EGLN1: variants seen among roughly 807,000 people sequenced by gnomAD.
EGLN1 encodes egl nine homolog 1.
In EGLN1, 17 loss-of-function variants were observed where a neutral mutation model predicts 38.3. The observed-to-expected ratio is 0.44, with a 90% CI of 0.30 to 0.67. EGLN1 has a LOEUF of 0.67. Ranked by LOEUF, EGLN1 falls within the 30% of genes least tolerant of loss-of-function variation. EGLN1 has a pLI of 0.08. For synonymous variants in EGLN1, 283 were observed against 257.5 expected (o/e 1.10, Z -0.95); for missense variants, 477 against 603.3 (o/e 0.79, Z 2.19).
chr1:231,409,908 G>A (rs1310251287), intron 1 of EGLN1, among the ~76,000 whole-genome samples: 2 of 152,052 alleles, frequency 1.3e-5, no homozygotes, highest in African/African-American at 4.8e-5. Context: ...AAATCAGAGA[G>A]CAATTAAGTA....
chr1:231,421,104 T>C lies in EGLN1; in HGVS notation c.785A>G (p.Lys262Arg), dbSNP rs1656575784. The C allele has an allele frequency of 3.1e-6, 5 of 1,614,160 alleles. No homozygotes were observed. The highest frequency in any genetic ancestry group is 4.2e-6 in the Non-Finnish European group (5 of 1,180,016). Residue 262 changes from lysine (K) to arginine (R), a missense_variant, in exon 1 of 5, where the codon AAG (lysine) becomes AGG (arginine). By Grantham distance (26) the Lys-to-Arg change is conservative. Transcript: ENST00000366641. The surrounding 1 kb of genome is among the most constrained non-coding windows in gnomAD (Gnocchi z 5.5). ...RGDKITWIEG[K>R]EPGCETIGLL... ...CCCAATGGTTTCGCAGCCGGGCTCC[T>C]TGCCCTCGATCCAGGTGATCTTATC...
chr1:231,370,538 A>AT (rs764265786), intron 3 of EGLN1, 24 bp downstream of exon 3: 4 of 1,612,590 alleles, frequency 2.5e-6, no homozygotes, highest in Non-Finnish European at 3.4e-6. Flanking sequence ...CTCTAAACCA[A>AT]TTTTTTCTGA....
At position 231,365,392 on chromosome 1, in the gene EGLN1, T is replaced by C. The variant is rs1393964699; in HGVS notation, c.*1019A>G. 6.6e-6 allele frequency: 1 copy of C among 152,160 alleles called. No individual in the cohort carries two copies. Among genetic ancestry groups the C allele is most frequent in the Non-Finnish European group, 1.5e-5 (1 of 68,016 alleles). The allele number at this position is 152,160 out of a possible 1,614,324, so 9.4% of individuals were successfully genotyped here. On this transcript the variant is annotated 3_prime_UTR_variant, in exon 5 of 5. Transcript: ENST00000366641. Reference sequence around the variant, plus strand: ...CTTGAAGCTGAGGATAATCTCAAGTTCACTTAGTGCCAGTCACTTTAGTTT... The same window carrying C: ...CTTGAAGCTGAGGATAATCTCAAGTCCACTTAGTGCCAGTCACTTTAGTTT...
chr1:231,389,260 A>C (rs552263462), intron 1 of EGLN1, among the ~76,000 whole-genome samples: 1 of 152,358 alleles, frequency 6.6e-6, no homozygotes, highest in Non-Finnish European at 1.5e-5. Flanking sequence ...TCTTTCACTT[A>C]ATCTTTACAA....
rs1223531246 is a variant in EGLN1 at position 231,365,192 on chromosome 1, G to C, written c.*1219C>G. The stretch of plus-strand genomic sequence containing the variant: ...CTTGATGCTCTTCAACAGAGACAAG[G>C]TTCTTGTCTGCAGATCAGATAGATC... On this transcript the variant is annotated 3_prime_UTR_variant, in exon 5 of 5. Coordinates refer to ENST00000366641, the MANE Select transcript of EGLN1 (RefSeq NM_022051.3). The C allele has an allele frequency of 1.3e-5, 2 of 152,092 alleles. No homozygotes were observed. Among genetic ancestry groups the C allele is most frequent in the Admixed American group, 1.3e-4 (2 of 15,268 alleles). The allele number at this position is 152,092 out of a possible 1,614,324, so 9.4% of individuals were successfully genotyped here.
At position 231,421,324 on chromosome 1, in the gene EGLN1, G is replaced by A; in HGVS notation, c.565C>T (p.Pro189Ser). 6.2e-7 allele frequency: 1 copy of A among 1,612,304 alleles called. No homozygotes were observed. Among genetic ancestry groups the A allele is most frequent in the Admixed American group, 1.7e-5 (1 of 59,942 alleles). Reference protein sequence around the residue: ...LRPNGQTKPLPALKLALEYIV... With the variant: ...LRPNGQTKPLSALKLALEYIV... ...TACTCGAGCGCCAGCTTCAGCGCCG[G>A]CAGGGGCTTCGTCTGCCCGTTGGGC... The change falls in exon 1 of 5, where the codon CCG (proline) becomes TCG (serine). Residue 189 changes from proline (P) to serine (S), a missense_variant. Transcript: ENST00000366641. This position sits in a 1 kb window ranked among gnomAD's most constrained non-coding sequence, Gnocchi z 5.5.
chr1:231,380,314 T>TGA (rs1688052592), intron 1 of EGLN1, among the ~76,000 whole-genome samples: 1 of 27,216 alleles, frequency 3.7e-5, no homozygotes, highest in Admixed American at 4.1e-4. Flanking sequence ...AGACTCCGTC[T>TGA]CAAAAAAAAA....
chr1:231,383,393 T>C (rs1049409531), intron 1 of EGLN1, among the ~76,000 whole-genome samples: 1 of 152,078 alleles, frequency 6.6e-6, no homozygotes, highest in Admixed American at 6.5e-5. Flanking sequence ...CAGTACAGTG[T>C]AATAAACACC....
At chr1:231,392,288 AAAAAT>A (rs770431407) in intron 1 of EGLN1, among the ~76,000 whole-genome samples, 6 of 152,310 alleles carry the variant, frequency 3.9e-5, no homozygotes, top group Non-Finnish European at 5.9e-5. Context: ...CTCTGTCTCA[AAAAAT>A]AAAATAAAAT....
chr1:231,383,603 G>T (rs1688126312), intron 1 of EGLN1, among the ~76,000 whole-genome samples: 1 of 152,190 alleles, frequency 6.6e-6, no homozygotes, highest in Non-Finnish European at 1.5e-5. Flanking sequence ...AATCAATATG[G>T]TGCCTTGAGA....
chr1:231,399,325 G>C (rs1688607274), intron 1 of EGLN1, among the ~76,000 whole-genome samples: 1 of 152,188 alleles, frequency 6.6e-6, no homozygotes, highest in Non-Finnish European at 1.5e-5. Context: ...GTTTGGAAAG[G>C]ATTGAGGAAA....
rs373949572 is a variant in EGLN1, at chr1:231,377,613, T to A, written c.892-3514A>T. ...AAGCATCGGGTAGGAGAGGAGTTTA[T>A]CGATAACTGTCAAAATGAGCCAGAC... On this transcript the variant is annotated intron_variant, in intron 1 of 4. Transcript: ENST00000366641. 2.0e-5 allele frequency among the ~76,000 whole-genome samples: 3 copies of A among 152,326 alleles called. No homozygotes were observed. The South Asian group carries it at 6.2e-4, about 32-fold the overall frequency.
chr1:231,404,502 G>A (rs1246318837), intron 1 of EGLN1, among the ~76,000 whole-genome samples: 1 of 152,050 alleles, frequency 6.6e-6, no homozygotes. Flanking sequence ...ATAAGGCCAG[G>A]CACAGTGGCT....
chr1:231,416,429 A>C (rs1689084483), intron 1 of EGLN1, among the ~76,000 whole-genome samples: 1 of 145,802 alleles, frequency 6.9e-6, no homozygotes, highest in Non-Finnish European at 1.5e-5. Context: ...ATACATACAA[A>C]AAAAAAATTT....
chr1:231,402,790 G>A (rs1688694875), intron 1 of EGLN1, among the ~76,000 whole-genome samples: 1 of 151,282 alleles, frequency 6.6e-6, no homozygotes, highest in African/African-American at 2.4e-5. Flanking sequence ...TAAATGGTGG[G>A]ACATAAGGGT....
At chr1:231,374,228 G>A (rs1687899106) in intron 1 of EGLN1, 129 bp from the exon 2 acceptor site, 4 of 835,622 alleles carry the variant, frequency 4.8e-6, no homozygotes, top group Non-Finnish European at 5.9e-6. Context: ...ATAATATTTT[G>A]TAGATAAGAT....
intron 1 of EGLN1, among the ~76,000 whole-genome samples, chr1:231,415,427 T>TAA (rs1348233564): frequency 6.6e-6 from 1 of 151,608 alleles, no homozygotes; most frequent in East Asian, 1.9e-4. Context: ...TTTTTTCTCT[T>TAA]AAAAAAATGT....
At chr1:231,366,608 G>T in intron 4 of EGLN1, 133 bp from the exon 5 acceptor site, 1 of 911,376 alleles carries the variant, frequency 1.1e-6, no homozygotes, top group Non-Finnish European at 1.7e-6. Flanking sequence ...GAACTATCAC[G>T]CTTGTACTTC....
intron 1 of EGLN1, among the ~76,000 whole-genome samples, chr1:231,392,212 G>A (rs952943443): frequency 2.6e-5 from 4 of 152,084 alleles, no homozygotes; most frequent in Non-Finnish European, 4.4e-5. Flanking sequence ...GCGTGAACCT[G>A]GGAGGTGGAG....
Sources: gnomAD v4.1 joint callset for allele counts (sites outside exome capture counted in the v4.1 genomes callset) on GRCh38, gnomAD v4.1.1 for gene constraint, Gnocchi (gnomAD v3.1) non-coding constraint, MANE v1.5 for transcripts, NCBI Gene and HGNC (gene_info 2026-07-23, HGNC 2026-07-21) for gene names.